NKAIN2: variants seen among roughly 807,000 people sequenced by gnomAD.
NKAIN2 encodes the protein sodium/potassium transporting ATPase interacting 2, also known as sodium/potassium-transporting ATPase subunit beta-1-interacting protein 2.
Under a neutral mutation model 32.6 loss-of-function variants are expected in NKAIN2, and 14 were observed. The observed-to-expected ratio is 0.43, with a 90% CI of 0.28 to 0.67. NKAIN2 has a LOEUF of 0.67. NKAIN2 is among the 30% of genes least tolerant of loss of function. NKAIN2 has a pLI of 0.17. For missense variants in NKAIN2, 198 were observed against 258.3 expected (o/e 0.77, Z 1.60); for synonymous variants, 80 against 87.2 (o/e 0.92, Z 0.46).
intron 3 of NKAIN2, among the ~76,000 whole-genome samples, chr6:124,440,876 C>T (rs1775658571): frequency 6.6e-6 from 1 of 152,022 alleles, no homozygotes; most frequent in Non-Finnish European, 1.5e-5. Context: ...GCAGAAATTC[C>T]TCCAAGTGGT....
intron 1 of NKAIN2, among the ~76,000 whole-genome samples, chr6:124,244,598 C>T (rs1356703137): frequency 6.6e-6 from 1 of 151,964 alleles, no homozygotes; most frequent in African/African-American, 2.4e-5. Flanking sequence ...AGACATTACT[C>T]AACTTTCCAA....
chr6:124,753,078 A>G (rs1233344713), intron 4 of NKAIN2, among the ~76,000 whole-genome samples: 1 of 152,104 alleles, frequency 6.6e-6, no homozygotes, highest in South Asian at 2.1e-4. Context: ...ACACTTTATC[A>G]GTGTGAAATT....
At chr6:124,304,564 A>G (rs577347437) in intron 2 of NKAIN2, among the ~76,000 whole-genome samples, 1 of 152,342 alleles carries the variant, frequency 6.6e-6, no homozygotes, top group South Asian at 2.1e-4. Flanking sequence ...CATTTCAGAA[A>G]TAAGCGAGTA....
chr6:124,770,581 A>T (rs768321799), intron 4 of NKAIN2, among the ~76,000 whole-genome samples: 1 of 151,974 alleles, frequency 6.6e-6, no homozygotes, highest in Non-Finnish European at 1.5e-5. Flanking sequence ...CTATTTCAAG[A>T]TTTCTTATGT....
intron 2 of NKAIN2, among the ~76,000 whole-genome samples, chr6:124,309,272 A>G (rs554065284): frequency 6.6e-6 from 1 of 152,174 alleles, no homozygotes; most frequent in Non-Finnish European, 1.5e-5. Context: ...GGTGTAAAAG[A>G]CTCAAGCCTG....
chr6:124,138,996 CA>C (rs1201211245), intron 1 of NKAIN2, among the ~76,000 whole-genome samples: 1 of 149,654 alleles, frequency 6.7e-6, no homozygotes, highest in Non-Finnish European at 1.5e-5. Flanking sequence ...GTGACAGGTG[CA>C]ACAAAATCTC....
chr6:123,863,168 A>G (rs984209151), intron 1 of NKAIN2, among the ~76,000 whole-genome samples: 3 of 152,222 alleles, frequency 2.0e-5, no homozygotes, highest in Admixed American at 2.0e-4. Context: ...AGAGGGGGAA[A>G]CATTTATGTT....
chr6:124,431,096 G>C (rs1279583030), intron 3 of NKAIN2, among the ~76,000 whole-genome samples: 1 of 152,144 alleles, frequency 6.6e-6, no homozygotes, highest in African/African-American at 2.4e-5. Context: ...TTCCTAGAGA[G>C]ATTTTACAAA....
Position 124,140,642 on chromosome 6 carries a change from C to T in NKAIN2, c.55-142363C>T, listed in dbSNP as rs17051443. Reference sequence around the variant, plus strand: ...TCAGAATCTTAATTCACTGACTTCTCAAATAAGGTATCTGCACCAGTTGAC... The same window carrying T: ...TCAGAATCTTAATTCACTGACTTCTTAAATAAGGTATCTGCACCAGTTGAC... On this transcript the variant is annotated intron_variant, in intron 1 of 6. Coordinates refer to ENST00000368417, the MANE Select transcript of NKAIN2 (RefSeq NM_001040214.3). 1.0e-3 allele frequency among the ~76,000 whole-genome samples: 154 copies of T among 152,214 alleles called. 2 individuals are homozygous for T. The East Asian group carries it at 0.028, about 27-fold the overall frequency.
At chr6:124,184,186 A>G (rs368267407) in intron 1 of NKAIN2, among the ~76,000 whole-genome samples, 184 of 152,182 alleles carry the variant, frequency 1.2e-3, no homozygotes, top group African/African-American at 4.3e-3. Flanking sequence ...TATGCCAAAC[A>G]TTCTGGTCTC....
intron 3 of NKAIN2, among the ~76,000 whole-genome samples, chr6:124,589,984 C>A (rs1781849648): frequency 6.6e-6 from 1 of 152,268 alleles, no homozygotes; most frequent in East Asian, 1.9e-4. Flanking sequence ...CAGCAAAATT[C>A]TTTTGCTGTT....
At chr6:124,738,638 C>T (rs1052378871) in intron 4 of NKAIN2, among the ~76,000 whole-genome samples, 1 of 151,918 alleles carries the variant, frequency 6.6e-6, no homozygotes, top group Middle Eastern at 3.4e-3. Flanking sequence ...CTTACTTATG[C>T]ATCATGAACC....
intron 3 of NKAIN2, among the ~76,000 whole-genome samples, chr6:124,399,079 C>G (rs1197570840): frequency 1.3e-5 from 2 of 151,870 alleles, no homozygotes; most frequent in Non-Finnish European, 2.9e-5. Flanking sequence ...GGCACGCACC[C>G]CCACACCTGA....
intron 1 of NKAIN2, among the ~76,000 whole-genome samples, chr6:123,948,597 A>ATTTTTTTTTTTTTTTTTTTTTTTTTTTTT (rs71021472): frequency 8.1e-5 from 4 of 49,278 alleles, no homozygotes; most frequent in African/African-American, 1.3e-4. Context: ...CTTAAATGGG[A>ATTTTTTTTTTTTTTTTTTTTTTTTTTTTT]TTTTTTTTTT....
chr6:124,521,171 CAGG>C (rs1243728317), intron 3 of NKAIN2, among the ~76,000 whole-genome samples: 1 of 152,084 alleles, frequency 6.6e-6, no homozygotes, highest in East Asian at 1.9e-4. Flanking sequence ...CAATGTCAAG[CAGG>C]AGTAGTGAGA....
chr6:124,290,511 T>TGTGTGTGC (rs1491165543), intron 2 of NKAIN2, among the ~76,000 whole-genome samples: 6 of 16,028 alleles, frequency 3.7e-4, no homozygotes, highest in African/African-American at 1.9e-3. Flanking sequence ...ACCTCAGAAA[T>TGTGTGTGC]GTGTGTGTGT....
intron 4 of NKAIN2, among the ~76,000 whole-genome samples, chr6:124,786,338 T>C (rs1454552587): frequency 6.6e-6 from 1 of 152,114 alleles, no homozygotes; most frequent in African/African-American, 2.4e-5. Flanking sequence ...ATAGGAAAGA[T>C]AGGGAAAGGT....
chr6:124,036,238 G>A (rs1314300093), intron 1 of NKAIN2, among the ~76,000 whole-genome samples: 2 of 152,068 alleles, frequency 1.3e-5, no homozygotes, highest in African/African-American at 2.4e-5. Flanking sequence ...ACATGAACTT[G>A]CCTTTTACCT....
At chr6:124,506,190 GA>G (rs1282315582) in intron 3 of NKAIN2, among the ~76,000 whole-genome samples, 1 of 141,242 alleles carries the variant, frequency 7.1e-6, no homozygotes, top group African/African-American at 2.6e-5. Flanking sequence ...AAAAAAAAAA[GA>G]AAAAAAAAGA....
Sources: gnomAD v4.1 joint callset for allele counts (sites outside exome capture counted in the v4.1 genomes callset) on GRCh38, gnomAD v4.1.1 for gene constraint, MANE v1.5 for transcripts, NCBI Gene and HGNC (gene_info 2026-07-23, HGNC 2026-07-21) for gene names.